Variants in ADAMTSL1 observed in about 807,000 individuals in gnomAD.
ADAMTSL1 encodes the protein ADAMTS-like protein 1.
In ADAMTSL1, 126 loss-of-function variants were observed where a neutral mutation model predicts 201.8. That is an observed-to-expected ratio of 0.62 (90% confidence interval 0.54 to 0.72). The LOEUF is 0.72. Among genes scored for constraint, ADAMTSL1 ranks in the 30% least tolerant of loss-of-function variants. ADAMTSL1 has a pLI of 0.00. For synonymous variants in ADAMTSL1, 1,121 were observed against 903.4 expected (o/e 1.24, Z -4.32); for missense variants, 2,679 against 2,277.8 (o/e 1.18, Z -3.59).
intron 2 of ADAMTSL1, among the ~76,000 whole-genome samples, chr9:18,315,018 G>A (rs546562117): frequency 6.7e-6 from 1 of 148,626 alleles, no homozygotes; most frequent in East Asian, 2.0e-4. Flanking sequence ...GGATGGTCTC[G>A]ATCTCCTGAC....
At chr9:18,806,713 A>G (rs551661564) in intron 20 of ADAMTSL1, among the ~76,000 whole-genome samples, 1 of 152,304 alleles carries the variant, frequency 6.6e-6, no homozygotes, top group Admixed American at 6.5e-5. Flanking sequence ...CAGAGCCCAG[A>G]CTATGTGCAA....
intron 23 of ADAMTSL1, among the ~76,000 whole-genome samples, chr9:18,833,279 C>T (rs1825106826): frequency 6.6e-6 from 1 of 152,166 alleles, no homozygotes; most frequent in Admixed American, 6.6e-5. Flanking sequence ...GAGGAATTGA[C>T]CACTGTCTTC....
chr9:18,830,767 C>T (rs1359615519), intron 23 of ADAMTSL1, among the ~76,000 whole-genome samples: 2 of 152,104 alleles, frequency 1.3e-5, no homozygotes, highest in Non-Finnish European at 2.9e-5. Flanking sequence ...TGTGCAGGGA[C>T]AGGGAATATA....
At chr9:18,606,608 C>T (rs2132573709) in intron 4 of ADAMTSL1, among the ~76,000 whole-genome samples, 1 of 152,158 alleles carries the variant, frequency 6.6e-6, no homozygotes, top group South Asian at 2.1e-4. Flanking sequence ...AGACTAAATC[C>T]CAATTCTGTC....
chr9:18,735,754 T>C (rs200524461), intron 15 of ADAMTSL1, among the ~76,000 whole-genome samples: 8,498 of 140,106 alleles, frequency 0.061, 316 homozygotes, highest in East Asian at 0.17. Context: ...TTTTCTTTTT[T>C]TTTTTTTTTT....
At chr9:18,257,657 C>A (rs532614853) in intron 2 of ADAMTSL1, among the ~76,000 whole-genome samples, 1 of 152,278 alleles carries the variant, frequency 6.6e-6, no homozygotes, top group African/African-American at 2.4e-5. Context: ...ATTACTTTAT[C>A]ATCCAGCTAT....
chr9:18,824,627 C>G (rs553895068), intron 21 of ADAMTSL1, among the ~76,000 whole-genome samples: 1 of 151,408 alleles, frequency 6.6e-6, no homozygotes, highest in East Asian at 2.0e-4. Flanking sequence ...CACTAGACCA[C>G]TAGACTAAAG....
intron 2 of ADAMTSL1, among the ~76,000 whole-genome samples, chr9:18,320,204 G>C (rs2132849021): frequency 6.6e-6 from 1 of 152,288 alleles, no homozygotes. Flanking sequence ...TTCACCATGT[G>C]AGTTGCTAAG....
intron 1 of ADAMTSL1, among the ~76,000 whole-genome samples, chr9:17,926,333 G>T (rs1161181255): frequency 6.6e-6 from 1 of 152,174 alleles, no homozygotes; most frequent in Non-Finnish European, 1.5e-5. Flanking sequence ...ACTAGATCAT[G>T]CTGTAATAGC....
intron 1 of ADAMTSL1, among the ~76,000 whole-genome samples, chr9:18,490,569 C>A (rs1373033022): frequency 6.6e-6 from 1 of 151,924 alleles, no homozygotes; most frequent in Non-Finnish European, 1.5e-5. Context: ...ATTTGTAAAT[C>A]ACATGCAAGG....
chr9:17,959,430 A>AT (rs1297541028), intron 1 of ADAMTSL1, among the ~76,000 whole-genome samples: 3 of 152,148 alleles, frequency 2.0e-5, no homozygotes, highest in Non-Finnish European at 4.4e-5. Flanking sequence ...AATTAGGTTA[A>AT]TTTTTTAATC....
At chr9:18,173,703 T>G (rs1201155209) in intron 2 of ADAMTSL1, among the ~76,000 whole-genome samples, 1 of 152,140 alleles carries the variant, frequency 6.6e-6, no homozygotes, top group Non-Finnish European at 1.5e-5. Flanking sequence ...AGACAGATTT[T>G]TAGGCTCAGA....
At chr9:17,949,133 A>G (rs1827630634) in intron 1 of ADAMTSL1, among the ~76,000 whole-genome samples, 1 of 152,250 alleles carries the variant, frequency 6.6e-6, no homozygotes, top group Admixed American at 6.5e-5. Flanking sequence ...TGATATTTTA[A>G]AAAACACTTA....
At chr9:17,973,244 C>A (rs1432424067) in intron 1 of ADAMTSL1, among the ~76,000 whole-genome samples, 2 of 149,948 alleles carry the variant, frequency 1.3e-5, no homozygotes. Context: ...TTGCCCAGGC[C>A]TATGTCCTGA....
In ADAMTSL1 at chr9:18,236,341, T is replaced by A. The variant is rs143227995; in HGVS notation, c.207+72360T>A. Among the ~76,000 whole-genome samples the A allele has an allele frequency of 3.0e-3, 453 of 152,350 alleles. 6 individuals are homozygous for A. Among genetic ancestry groups the A allele is most frequent in the Admixed American group, 0.024 (373 of 15,300 alleles). On this transcript the variant is annotated intron_variant, in intron 2 of 29. Coordinates refer to the ADAMTSL1 transcript ENST00000680146. The stretch of plus-strand genomic sequence containing the variant: ...CACCCACCTCAGCCTCCCAAAGTGC[T>A]GGGATTACAGGCGTGAGCCACCACG...
At chr9:18,802,598 CCATT>C (rs1177765809) in intron 20 of ADAMTSL1, among the ~76,000 whole-genome samples, 3 of 152,280 alleles carry the variant, frequency 2.0e-5, no homozygotes, top group East Asian at 1.9e-4. Context: ...TTTTATTTCT[CCATT>C]CATCAGGTGA....
chr9:18,838,261 T>C (rs1825446652), intron 23 of ADAMTSL1, among the ~76,000 whole-genome samples: 1 of 151,966 alleles, frequency 6.6e-6, no homozygotes, highest in South Asian at 2.1e-4. Context: ...CCTGCCCCCA[T>C]GATTCAGTCA....
Position 18,566,166 on chromosome 9 carries a change from A to G in ADAMTSL1, c.238-7864A>G, listed in dbSNP as rs138711463. Among the ~76,000 whole-genome samples the G allele has an allele frequency of 1.6e-4, 25 of 152,300 alleles. No individual in the cohort carries two copies. The East Asian group carries it at 4.8e-3, about 29-fold the overall frequency. On this transcript the variant is annotated intron_variant, in intron 3 of 28. Transcript: ENST00000380548. ...TAAATTTTTTTTGAAAGAAAGAAAAAAATTAGATATTCCATCAATTAGAAA... is the reference window on the plus strand; with the variant it reads ...TAAATTTTTTTTGAAAGAAAGAAAAGAATTAGATATTCCATCAATTAGAAA...
chr9:18,119,242 A>G (rs1397083322), intron 1 of ADAMTSL1, among the ~76,000 whole-genome samples: 3 of 152,122 alleles, frequency 2.0e-5, no homozygotes, highest in Non-Finnish European at 4.4e-5. Context: ...TAGGCTAGAC[A>G]TTGTGATTTC....
Sources: allele counts gnomAD v4.1 joint callset (sites outside exome capture counted in the v4.1 genomes callset), GRCh38; gene constraint gnomAD v4.1.1; transcripts MANE v1.5; gene names NCBI Gene and HGNC (gene_info 2026-07-23, HGNC 2026-07-21).